MTRF1: variants seen among roughly 807,000 people sequenced by gnomAD.
MTRF1 encodes the protein mitochondrial translation release factor 1.
Under a neutral mutation model 62.9 loss-of-function variants are expected in MTRF1, and 51 were observed. The ratio of observed to expected loss-of-function variants is 0.81; its 90% CI spans 0.65 to 1.02. The LOEUF (loss-of-function observed/expected upper bound fraction) is 1.02. Among genes scored for constraint, MTRF1 ranks in the 50% least tolerant of loss-of-function variants. The probability of loss-of-function intolerance (pLI) is 0.00; values close to 1 mark genes in which losing one functional copy is unlikely to be tolerated. For missense variants in MTRF1, 446 were observed against 530.0 expected (o/e 0.84, Z 1.56); for synonymous variants, 158 against 181.9 (o/e 0.87, Z 1.06).
the MTRF1 span, among the ~76,000 whole-genome samples, chr13:41,289,442 TG>T: frequency 1.3e-5 from 2 of 152,138 alleles, no homozygotes; most frequent in African/African-American, 4.8e-5. Context: ...TTTGCCATAT[TG>T]GCCAGGCTGG....
the MTRF1 span, among the ~76,000 whole-genome samples, chr13:41,277,515 A>G: frequency 6.6e-6 from 1 of 152,156 alleles, no homozygotes. Context: ...TTTCCAGTTT[A>G]TTATAAAGGA....
the MTRF1 span, chr13:41,311,363 CG>C: frequency 3.2e-6 from 2 of 632,378 alleles, no homozygotes; most frequent in Non-Finnish European, 5.5e-6. Flanking sequence ...CATTGCCACC[CG>C]TGCCGAACAG....
intron 6 of MTRF1, 127 bp from the exon 7 acceptor site, chr13:41,234,134 C>T (rs946879583): frequency 1.4e-6 from 1 of 738,446 alleles, no homozygotes; most frequent in African/African-American, 1.8e-5. Flanking sequence ...AGAGAAGTAA[C>T]TTATACCAAA....
the MTRF1 span, among the ~76,000 whole-genome samples, chr13:41,300,585 CAAAA>C: frequency 1.3e-5 from 1 of 75,430 alleles, no homozygotes. Flanking sequence ...GACTCCGTCT[CAAAA>C]AAAAAAAAAA....
At chr13:41,275,586 G>C in the MTRF1 span, among the ~76,000 whole-genome samples, 18 of 151,556 alleles carry the variant, frequency 1.2e-4, no homozygotes, top group Non-Finnish European at 2.1e-4. Flanking sequence ...TCTGTCTCCC[G>C]GGTTCAAATG....
At chr13:41,252,579 C>A in intron 5 of MTRF1, 66 bp downstream of exon 5, 1 of 1,276,358 alleles carries the variant, frequency 7.8e-7, no homozygotes, top group Non-Finnish European at 1.1e-6. Context: ...CAATATGGTT[C>A]TAATCAAGAT....
upstream of MTRF1, among the ~76,000 whole-genome samples, chr13:41,267,939 CTTA>C (rs1040880756): frequency 6.6e-6 from 1 of 151,468 alleles, no homozygotes; most frequent in African/African-American, 2.4e-5. Context: ...TTATTTTAAT[CTTA>C]TTATTATTAT....
chr13:41,272,253 T>C, the MTRF1 span, among the ~76,000 whole-genome samples: 1 of 152,184 alleles, frequency 6.6e-6, no homozygotes, highest in Non-Finnish European at 1.5e-5. Flanking sequence ...TTTACAGGGA[T>C]TCAAGTCATT....
chr13:41,253,053 T>C lies in MTRF1; in HGVS notation c.508-23A>G, dbSNP rs140902292. ...AAGCTGGAATAAAAATCAGCATTTG[T>C]GTGTATATTTTCCCCGGTACACTAT... On this transcript the variant is annotated intron_variant, in intron 3 of 9. Coordinates refer to ENST00000379480, the MANE Select transcript of MTRF1 (RefSeq NM_004294.4). 7.1e-5 allele frequency: 109 copies of C among 1,542,352 alleles called. No individual in the cohort carries two copies. The African/African-American group carries it at 1.5e-3, about 21-fold the overall frequency.
chr13:41,227,906 G>A (rs2034750866), intron 7 of MTRF1, among the ~76,000 whole-genome samples: 1 of 152,164 alleles, frequency 6.6e-6, no homozygotes, highest in South Asian at 2.1e-4. Flanking sequence ...GGTTGGACTG[G>A]GGGCACTGGC....
chr13:41,279,626 A>G, the MTRF1 span, among the ~76,000 whole-genome samples: 5 of 152,260 alleles, frequency 3.3e-5, no homozygotes, highest in South Asian at 8.3e-4. Flanking sequence ...TTGACCCTAT[A>G]TATCATGACT....
the MTRF1 span, among the ~76,000 whole-genome samples, chr13:41,310,662 C>T: frequency 6.6e-6 from 1 of 152,210 alleles, no homozygotes; most frequent in Non-Finnish European, 1.5e-5. Context: ...AAGAGCGATA[C>T]TCCATCTCAA....
chr13:41,239,859 C>G (rs545665120), intron 6 of MTRF1, among the ~76,000 whole-genome samples: 289 of 152,066 alleles, frequency 1.9e-3, no homozygotes, highest in African/African-American at 6.6e-3. Flanking sequence ...CAATCTGTAG[C>G]CATGAAAAGA....
intron 3 of MTRF1, 32 bp downstream of exon 3, chr13:41,254,497 C>T (rs1359631834): frequency 2.0e-6 from 3 of 1,507,830 alleles, no homozygotes; most frequent in Non-Finnish European, 2.8e-6. Context: ...TTATACAGCA[C>T]TATTGAAACT....
At chr13:41,283,714 C>G in the MTRF1 span, among the ~76,000 whole-genome samples, 2 of 149,946 alleles carry the variant, frequency 1.3e-5, no homozygotes, top group Admixed American at 1.3e-4. Flanking sequence ...CTCAGCCTCC[C>G]GAGTAGCTGG....
the MTRF1 span, among the ~76,000 whole-genome samples, chr13:41,302,020 CTTAT>C: frequency 6.6e-5 from 10 of 151,888 alleles, no homozygotes; most frequent in African/African-American, 1.9e-4. Flanking sequence ...AGGAGTCTTT[CTTAT>C]TTATTTATTT....
At chr13:41,255,375 C>A (rs560927210) in intron 2 of MTRF1, among the ~76,000 whole-genome samples, 7 of 152,204 alleles carry the variant, frequency 4.6e-5, no homozygotes, top group African/African-American at 1.7e-4. Flanking sequence ...TGCCACTGTG[C>A]CTGGCTTAGT....
At chr13:41,241,854 C>A (rs2037540531) in intron 5 of MTRF1, among the ~76,000 whole-genome samples, 1 of 152,174 alleles carries the variant, frequency 6.6e-6, no homozygotes, top group Admixed American at 6.5e-5. Flanking sequence ...GACACCAGCT[C>A]GAGCCCTTTG....
At chr13:41,217,279 A>G (rs1566046875) in intron 9 of MTRF1, 51 bp from the exon 10 acceptor site, 1 of 1,033,566 alleles carries the variant, frequency 9.7e-7, no homozygotes. Context: ...AATATAAGCA[A>G]AGACTTTAGT....
Sources: gnomAD v4.1 joint callset for allele counts (sites outside exome capture counted in the v4.1 genomes callset) on GRCh38, gnomAD v4.1.1 for gene constraint, MANE v1.5 for transcripts, NCBI Gene and HGNC (gene_info 2026-07-23, HGNC 2026-07-21) for gene names.